AHCYL1: variants seen among roughly 807,000 people sequenced by gnomAD.
AHCYL1 encodes the protein S-adenosylhomocysteine hydrolase-like protein 1.
A neutral mutation model predicts 79.3 loss-of-function variants in AHCYL1; 20 were observed. The ratio of observed to expected loss-of-function variants is 0.25; its 90% CI spans 0.18 to 0.37. The LOEUF is 0.37. Ranked by LOEUF, AHCYL1 falls within the 10% of genes least tolerant of loss-of-function variation. AHCYL1 has a pLI of 1.00. For missense variants in AHCYL1, 330 were observed against 673.6 expected (o/e 0.49, Z 5.65); for synonymous variants, 223 against 242.2 (o/e 0.92, Z 0.74).
intron 5 of AHCYL1, among the ~76,000 whole-genome samples, chr1:110,014,227 C>G (rs1039346963): frequency 6.6e-6 from 1 of 152,202 alleles, no homozygotes; most frequent in Non-Finnish European, 1.5e-5. Context: ...CCTACAATCC[C>G]ACTACATAGA....
intron 1 of AHCYL1, among the ~76,000 whole-genome samples, chr1:109,987,879 A>G (rs944642146): frequency 1.3e-5 from 2 of 152,224 alleles, no homozygotes; most frequent in Admixed American, 6.5e-5. Context: ...CATCTGCCAA[A>G]TAAGTGCCTA....
intron 6 of AHCYL1, 143 bp from the exon 7 acceptor site, chr1:110,015,282 C>T (rs886128875): frequency 2.9e-6 from 2 of 682,918 alleles, no homozygotes; most frequent in African/African-American, 3.6e-5. Context: ...TGTATTTCCA[C>T]TCTCTAAGCC....
At position 109,984,966 on chromosome 1, in the gene AHCYL1, G is replaced by A. The variant is rs1649382293; in HGVS notation, c.-87G>A. 5.1e-6 allele frequency: 7 copies of A among 1,364,712 alleles called. No homozygotes were observed. The highest frequency in any genetic ancestry group is 6.6e-6 in the Non-Finnish European group (7 of 1,061,468). The allele number at this position is 1,364,712 out of a possible 1,614,324, so 84.5% of individuals were successfully genotyped here. ...CAGGAGGGTGGGCGATCGCGTGTCGGAGGGCGCCGCGCGGGCAGGCGGGCG... is the reference window on the plus strand; with the variant it reads ...CAGGAGGGTGGGCGATCGCGTGTCGAAGGGCGCCGCGCGGGCAGGCGGGCG... On this transcript the variant is annotated 5_prime_UTR_variant, in exon 1 of 17. Coordinates refer to ENST00000369799, the MANE Select transcript of AHCYL1 (RefSeq NM_006621.7).
chr1:109,985,602 T>C lies in AHCYL1; in HGVS notation c.120+430T>C, dbSNP rs1164634945. ...ATCTTTGGGAGCAGTGGCCGCTTTATCCAACAACTGCGTGATAGCTGGGAG... is the reference window on the plus strand; with the variant it reads ...ATCTTTGGGAGCAGTGGCCGCTTTACCCAACAACTGCGTGATAGCTGGGAG... On this transcript the variant is annotated intron_variant, in intron 1 of 16. Coordinates refer to ENST00000369799, the MANE Select transcript of AHCYL1 (RefSeq NM_006621.7). 4 of 959,254 alleles carry C rather than the reference T, an allele frequency of 4.2e-6. No individual in the cohort carries two copies. In the East Asian group the frequency reaches 4.6e-4, roughly 110 times the overall value. The allele number at this position is 959,254 out of a possible 1,614,324, so 59.4% of individuals were successfully genotyped here.
chr1:110,015,626 C>T, intron 7 of AHCYL1, 95 bp downstream of exon 7: 7 of 963,480 alleles, frequency 7.3e-6, no homozygotes, highest in South Asian at 1.5e-5. Context: ...AGACTTATAA[C>T]TAAATGGGAA....
At chr1:109,985,514 G>T (rs750599482) in intron 1 of AHCYL1, 1 of 1,015,358 alleles carries the variant, frequency 9.8e-7, no homozygotes, top group Non-Finnish European at 1.2e-6. Context: ...CAGTCCGGGG[G>T]CATGGGGTGT....
intron 1 of AHCYL1, among the ~76,000 whole-genome samples, chr1:110,006,514 C>T (rs1163835130): frequency 6.6e-6 from 1 of 152,148 alleles, no homozygotes; most frequent in Non-Finnish European, 1.5e-5. Context: ...GAGTCCAACC[C>T]AATCAGAAGG....
At chr1:110,018,921 C>T (rs1267628749) in intron 13 of AHCYL1, 130 bp from the exon 14 acceptor site, 9 of 900,298 alleles carry the variant, frequency 1.0e-5, no homozygotes, top group Non-Finnish European at 1.3e-5. Flanking sequence ...GAGTCCTGAT[C>T]TGGAACTGTA....
chr1:109,989,029 A>G (rs1403653245), intron 1 of AHCYL1, among the ~76,000 whole-genome samples: 4 of 152,230 alleles, frequency 2.6e-5, no homozygotes, highest in Non-Finnish European at 5.9e-5. Context: ...GGCATTTCCT[A>G]TCTTCACATC....
chr1:110,018,300 G>C, intron 11 of AHCYL1, 73 bp from the exon 12 acceptor site: 1 of 1,445,914 alleles, frequency 6.9e-7, no homozygotes, highest in Non-Finnish European at 9.6e-7. Context: ...GGTCTCCTAT[G>C]TTCTACCTGA....
rs754695961 is a variant in AHCYL1 at position 110,012,956 on chromosome 1, C to T, written c.537C>T (p.Ile179=). The T allele has an allele frequency of 4.3e-6, 7 of 1,613,150 alleles. No individual in the cohort carries two copies. The African/African-American group carries it at 9.3e-5, about 22-fold the overall frequency. ...GAQCRWSACN[I]YSTQNEVAAA... is the part of the protein sequence containing the mutation. Reference sequence around the variant, plus strand: ...AGTGCCGCTGGTCTGCTTGTAACATCTACTCAACTCAGAATGAAGTAGCTG... The same window carrying T: ...AGTGCCGCTGGTCTGCTTGTAACATTTACTCAACTCAGAATGAAGTAGCTG... Residue 179 remains isoleucine, a synonymous_variant, in exon 5 of 17, where the codon ATC becomes ATT. Transcript: ENST00000369799.
chr1:110,016,712 G>T lies in AHCYL1; in HGVS notation c.945G>T (p.Val315=). 1.2e-6 allele frequency: 2 copies of T among 1,614,104 alleles called. No individual in the cohort carries two copies. The highest frequency in any genetic ancestry group is 1.7e-6 in the Non-Finnish European group (2 of 1,180,008). ...TDVMFGGKQV[V]VCGYGEVGKG... The stretch of plus-strand genomic sequence containing the variant: ...TGATGTTTGGTGGGAAACAAGTGGT[G>T]GTGTGTGGCTATGGTGAGGTAAATA... The change falls in exon 9 of 17, where the codon GTG becomes GTT. Residue 315 remains valine, a synonymous_variant. Transcript: ENST00000369799.
Position 110,020,738 on chromosome 1 carries a change from C to T in AHCYL1, c.1473C>T (p.Tyr491=), listed in dbSNP as rs761721519. 12 of 1,611,378 alleles carry T rather than the reference C, an allele frequency of 7.4e-6. No homozygotes were observed. Among genetic ancestry groups the T allele is most frequent in the Non-Finnish European group, 8.5e-6 (10 of 1,179,048 alleles). The change falls in exon 16 of 17, where the codon TAC becomes TAT. Residue 491 remains tyrosine, a synonymous_variant. Transcript: ENST00000369799. ...VYLLPKKMDE[Y]VASLHLPSFD... ...CCACTTTGCTCTTCCTAGATGAATACGTTGCCAGCTTGCATCTGCCATCAT... is the reference window on the plus strand; with the variant it reads ...CCACTTTGCTCTTCCTAGATGAATATGTTGCCAGCTTGCATCTGCCATCAT...
intron 6 of AHCYL1, 65 bp from the exon 7 acceptor site, chr1:110,015,360 G>A: frequency 2.3e-6 from 3 of 1,279,492 alleles, no homozygotes; most frequent in Non-Finnish European, 3.4e-6. Flanking sequence ...ACAGAAAGTG[G>A]GTTCAAAGTT....
At chr1:109,994,081 C>T (rs183858553) in intron 1 of AHCYL1, among the ~76,000 whole-genome samples, 1 of 152,344 alleles carries the variant, frequency 6.6e-6, no homozygotes, top group Admixed American at 6.5e-5. Context: ...ACATGCCCTT[C>T]TCTCTTTGAA....
At chr1:110,006,654 G>A (rs983119969) in intron 1 of AHCYL1, among the ~76,000 whole-genome samples, 3 of 152,206 alleles carry the variant, frequency 2.0e-5, no homozygotes, top group Admixed American at 6.5e-5. Context: ...AGAGCTACTA[G>A]CTGTGAAGAT....
chr1:110,021,543 C>G (rs1651794354), intron 16 of AHCYL1, 131 bp from the exon 17 acceptor site: 7 of 754,912 alleles, frequency 9.3e-6, no homozygotes, highest in Non-Finnish European at 1.5e-5. Context: ...GACTGGTGCC[C>G]TGGGGAATGA....
chr1:110,021,594 A>G, intron 16 of AHCYL1, 80 bp from the exon 17 acceptor site: 1 of 1,446,120 alleles, frequency 6.9e-7, no homozygotes, highest in South Asian at 1.2e-5. Context: ...GCCCTGGAGA[A>G]GGTGCTCTGT....
intron 1 of AHCYL1, among the ~76,000 whole-genome samples, chr1:109,990,825 A>G (rs536237906): frequency 6.6e-6 from 1 of 152,340 alleles, no homozygotes; most frequent in South Asian, 2.1e-4. Flanking sequence ...CTTAAACTTC[A>G]GGTGTTTGGG....
Sources: allele counts gnomAD v4.1 joint callset (sites outside exome capture counted in the v4.1 genomes callset), GRCh38; gene constraint gnomAD v4.1.1; transcripts MANE v1.5; gene names NCBI Gene and HGNC (gene_info 2026-07-23, HGNC 2026-07-21).